The following AIG1 variants were observed in gnomAD, a reference collection of about 807,000 sequenced individuals.
The protein encoded by AIG1 is androgen induced 1, also known as androgen-induced gene 1 protein.
In AIG1, 23 loss-of-function variants were observed where a neutral mutation model predicts 31.4. That is an observed-to-expected ratio of 0.73 (90% CI 0.53 to 1.04). The LOEUF (loss-of-function observed/expected upper bound fraction) is 1.04, where lower values mean the gene tolerates loss of function less well. Among genes scored for constraint, AIG1 ranks in the 50% least tolerant of loss-of-function variants. AIG1 has a pLI of 0.00. For missense variants in AIG1, 274 were observed against 295.0 expected, an observed-to-expected ratio of 0.93 and a Z score of 0.52; for synonymous variants, 100 against 110.5, an observed-to-expected ratio of 0.90 and a Z score of 0.60.
At chr6:143,141,670 G>A (rs1359435774) in intron 2 of AIG1, among the ~76,000 whole-genome samples, 1 of 152,132 alleles carries the variant, frequency 6.6e-6, no homozygotes, top group East Asian at 1.9e-4. Flanking sequence ...GATAACCCAT[G>A]GGAGGCTCTT....
intron 2 of AIG1, among the ~76,000 whole-genome samples, chr6:143,149,102 G>A (rs560743011): frequency 6.6e-6 from 1 of 152,234 alleles, no homozygotes; most frequent in African/African-American, 2.4e-5. Flanking sequence ...TGAATGATGC[G>A]TTACTGTACT....
At chr6:143,196,350 AACACACACACACACACACAC>A (rs71784011) in intron 3 of AIG1, among the ~76,000 whole-genome samples, 18 of 141,636 alleles carry the variant, frequency 1.3e-4, no homozygotes, top group African/African-American at 3.4e-4. Flanking sequence ...CAACAAAAGC[AACACACACACACACACACAC>A]ACACACACAC....
chr6:143,242,885 C>G (rs531821556), intron 3 of AIG1, among the ~76,000 whole-genome samples: 26 of 152,118 alleles, frequency 1.7e-4, no homozygotes, highest in Non-Finnish European at 3.5e-4. Context: ...CATGGAGAGC[C>G]CTTGCTGGTC....
intron 2 of AIG1, among the ~76,000 whole-genome samples, chr6:143,143,528 A>T (rs9321892): frequency 0.045 from 1,170 of 26,050 alleles, 17 homozygotes; most frequent in Non-Finnish European, 0.066. Flanking sequence ...AAAAAAAAAA[A>T]ATATATATAT....
At chr6:143,213,867 T>C (rs981835475) in intron 3 of AIG1, among the ~76,000 whole-genome samples, 2 of 152,064 alleles carry the variant, frequency 1.3e-5, no homozygotes, top group African/African-American at 2.4e-5. Context: ...AGTTAAAAAA[T>C]TAAAATTTAT....
At chr6:143,142,508 C>G (rs1348375298) in intron 2 of AIG1, among the ~76,000 whole-genome samples, 2 of 152,150 alleles carry the variant, frequency 1.3e-5, no homozygotes, top group Non-Finnish European at 1.5e-5. Flanking sequence ...TTGCTCTAGC[C>G]CCAGTGCTGG....
At chr6:143,141,894 G>GGGGAGGC (rs1389210441) in intron 2 of AIG1, among the ~76,000 whole-genome samples, 1 of 151,898 alleles carries the variant, frequency 6.6e-6, no homozygotes, top group East Asian at 1.9e-4. Flanking sequence ...AAAAAGGGGA[G>GGGGAGGC]GGGAGGCATG....
chr6:143,290,769 G>A (rs1798009852), intron 4 of AIG1, among the ~76,000 whole-genome samples: 1 of 152,140 alleles, frequency 6.6e-6, no homozygotes, highest in Non-Finnish European at 1.5e-5. Context: ...GTGGCAGGGG[G>A]ATGCTCTCCT....
intron 3 of AIG1, among the ~76,000 whole-genome samples, chr6:143,199,989 C>A (rs749724195): frequency 1.3e-5 from 2 of 152,060 alleles, no homozygotes; most frequent in Non-Finnish European, 2.9e-5. Context: ...AGCCAAAGAA[C>A]ATGTGATAGT....
chr6:143,306,078 G>T (rs979008810), intron 4 of AIG1, among the ~76,000 whole-genome samples: 2 of 147,996 alleles, frequency 1.4e-5, no homozygotes, highest in African/African-American at 2.5e-5. Context: ...CATTTGCTTG[G>T]TAGATCTTCC....
At position 143,291,622 on chromosome 6, in the gene AIG1, G is replaced by T. The variant is rs999063027; in HGVS notation, c.515+7397G>T. Among the ~76,000 whole-genome samples the T allele has an allele frequency of 1.3e-5, 2 of 152,192 alleles. No individual in the cohort carries two copies. Among genetic ancestry groups the T allele is most frequent in the Non-Finnish European group, 2.9e-5 (2 of 68,032 alleles). ...CATCCTTCTTCCATTTCCCCCGCCA[G>T]AAAGGAAAGAGGCATCTCAGAACCA... On this transcript the variant is annotated intron_variant, in intron 4 of 5. Transcript: ENST00000357847. The surrounding 1 kb of genome is among the most constrained non-coding windows in gnomAD (Gnocchi z 4.2).
chr6:143,072,853 A>G (rs1257693768), intron 1 of AIG1, among the ~76,000 whole-genome samples: 1 of 152,166 alleles, frequency 6.6e-6, no homozygotes, highest in African/African-American at 2.4e-5. Context: ...TATTTCACAG[A>G]TTTGCCCATT....
Position 143,190,170 on chromosome 6 carries a change from A to C in AIG1, c.399+24987A>C, listed in dbSNP as rs374284306. 4.1e-6 allele frequency: 4 copies of C among 984,734 alleles called. No homozygotes were observed. The East Asian group carries it at 3.4e-4, about 84-fold the overall frequency. 61.0% of individuals were successfully genotyped at this position (984,734 alleles called of 1,614,324 possible). A position where few individuals can be genotyped will look rare whatever the true frequency, so the allele number is the denominator to read the frequency against. The stretch of plus-strand genomic sequence containing the variant: ...ACATATGAATTTTGAGGGGACAGAA[A>C]CATTCAGCCCATAGCAGGATGAGAA... On this transcript the variant is annotated intron_variant, in intron 3 of 5. Transcript: ENST00000357847.
intron 3 of AIG1, among the ~76,000 whole-genome samples, chr6:143,201,760 G>T (rs1790716661): frequency 6.6e-6 from 1 of 152,090 alleles, no homozygotes; most frequent in Non-Finnish European, 1.5e-5. Flanking sequence ...ATCCTACTAG[G>T]TCTTGAGAAA....
intron 1 of AIG1, among the ~76,000 whole-genome samples, chr6:143,101,894 T>C (rs566539212): frequency 6.6e-6 from 1 of 152,276 alleles, no homozygotes; most frequent in East Asian, 1.9e-4. Flanking sequence ...TTTTACAATT[T>C]CTAATGCCCA....
rs1777058471 is a variant in AIG1, at chr6:143,331,358, C to G, written c.516-1924C>G. Among the ~76,000 whole-genome samples, 1 of 152,112 alleles carries G rather than the reference C, an allele frequency of 6.6e-6. No homozygotes were observed. The highest frequency in any genetic ancestry group is 1.5e-5 in the Non-Finnish European group (1 of 68,032). Reference sequence around the variant, plus strand: ...TCCCGTTAAACAATAACTCCCTATTCTCCACTCCCCCGAGTCCCTGGTAAC... The same window carrying G: ...TCCCGTTAAACAATAACTCCCTATTGTCCACTCCCCCGAGTCCCTGGTAAC... On this transcript the variant is annotated intron_variant, in intron 4 of 5. Coordinates refer to ENST00000357847, the MANE Select transcript of AIG1 (RefSeq NM_016108.4). The surrounding 1 kb of genome is among the most constrained non-coding windows in gnomAD (Gnocchi z 4.1).
chr6:143,338,126 A>G lies in AIG1; in HGVS notation c.680-1513A>G, dbSNP rs1583917940. ...GCTTTGGAAAAAACAGACTTTAAAA[A>G]GAAAAGCAAACTGCTCTTAGCCCCT... is the stretch of plus-strand genomic sequence containing the variant. On this transcript the variant is annotated intron_variant, in intron 5 of 5. Transcript: ENST00000357847. This position sits in a 1 kb window ranked among gnomAD's most constrained non-coding sequence, Gnocchi z 4.3. The G allele has an allele frequency of 5.0e-6, 2 of 398,214 alleles. No homozygotes were observed. Among genetic ancestry groups the G allele is most frequent in the East Asian group, 7.1e-5 (2 of 28,056 alleles). 24.7% of individuals were successfully genotyped at this position (398,214 alleles called of 1,614,324 possible).
chr6:143,262,666 A>C (rs1180639592), intron 3 of AIG1, among the ~76,000 whole-genome samples: 1 of 152,186 alleles, frequency 6.6e-6, no homozygotes, highest in Non-Finnish European at 1.5e-5. Context: ...GGCAATATGC[A>C]TCAAAACAGA....
intron 1 of AIG1, among the ~76,000 whole-genome samples, chr6:143,095,024 A>C (rs561457035): frequency 3.3e-5 from 5 of 152,168 alleles, no homozygotes; most frequent in Non-Finnish European, 5.9e-5. Flanking sequence ...CAAGACTCTA[A>C]AAATGCAATG....
Sources: allele counts gnomAD v4.1 joint callset (sites outside exome capture counted in the v4.1 genomes callset), GRCh38; gene constraint gnomAD v4.1.1; non-coding constraint Gnocchi (gnomAD v3.1); transcripts MANE v1.5; gene names NCBI Gene and HGNC (gene_info 2026-07-23, HGNC 2026-07-21).